ARHGAP18: variants seen among roughly 807,000 people sequenced by gnomAD.
The protein encoded by ARHGAP18 is Rho GTPase activating protein 18, also known as rho GTPase-activating protein 18.
Under a neutral mutation model 86.2 loss-of-function variants are expected in ARHGAP18, and 67 were observed. The observed-to-expected ratio is 0.78, with a 90% CI of 0.64 to 0.95. The LOEUF (loss-of-function observed/expected upper bound fraction) is 0.95, where lower values mean the gene tolerates loss of function less well. Ranked by LOEUF, ARHGAP18 falls within the 40% of genes least tolerant of loss-of-function variation. ARHGAP18 has a pLI of 0.00. For missense variants in ARHGAP18, 691 were observed against 780.4 expected (o/e 0.89, Z 1.37); for synonymous variants, 283 against 280.4 (o/e 1.01, Z -0.09).
intron 6 of ARHGAP18, among the ~76,000 whole-genome samples, chr6:129,618,160 G>A (rs143908386): frequency 5.9e-5 from 9 of 151,804 alleles, no homozygotes; most frequent in Admixed American, 3.9e-4. Flanking sequence ...ACAATCTAGT[G>A]GTATTGTTTT....
chr6:129,674,262 G>T (rs1216194887), intron 1 of ARHGAP18, among the ~76,000 whole-genome samples: 1 of 152,194 alleles, frequency 6.6e-6, no homozygotes, highest in Non-Finnish European at 1.5e-5. Context: ...TAGGCTGCCT[G>T]CCTGGTTCCA....
chr6:129,655,063 G>C (rs1357861072), intron 1 of ARHGAP18, among the ~76,000 whole-genome samples: 4 of 152,148 alleles, frequency 2.6e-5, no homozygotes, highest in Non-Finnish European at 5.9e-5. Context: ...GCTCACGCCT[G>C]TAAGCCCAGC....
chr6:129,690,485 T>G (rs929975380), intron 1 of ARHGAP18, among the ~76,000 whole-genome samples: 1 of 152,158 alleles, frequency 6.6e-6, no homozygotes, highest in Admixed American at 6.5e-5. Flanking sequence ...ATTCAGAGAC[T>G]AAAGAGAGTT....
In ARHGAP18 at chr6:129,578,450, A is replaced by C; in HGVS notation, c.*63T>G. The C allele has an allele frequency of 2.3e-6, 3 of 1,325,340 alleles. No individual in the cohort carries two copies. Among genetic ancestry groups the C allele is most frequent in the Non-Finnish European group, 3.2e-6 (3 of 933,798 alleles). 82.1% of individuals were successfully genotyped at this position (1,325,340 alleles called of 1,614,324 possible). ...GAGTCCTGCCATTTCTTTTATTTAC[A>C]CTCTTGACTCAGCAAGAATTATGAC... On this transcript the variant is annotated 3_prime_UTR_variant, in exon 15 of 15. Transcript: ENST00000368149.
chr6:129,676,632 T>G (rs1226291221), intron 1 of ARHGAP18, among the ~76,000 whole-genome samples: 1 of 152,164 alleles, frequency 6.6e-6, no homozygotes, highest in Non-Finnish European at 1.5e-5. Flanking sequence ...TAATACTCTT[T>G]AAAGCGCCTG....
intron 1 of ARHGAP18, among the ~76,000 whole-genome samples, chr6:129,649,222 T>C (rs997723708): frequency 5.3e-5 from 8 of 152,182 alleles, no homozygotes; most frequent in African/African-American, 1.9e-4. Context: ...GGGAAAAAAA[T>C]GAAATTTACT....
chr6:129,629,530 C>A lies in ARHGAP18; in HGVS notation c.617-8G>T, dbSNP rs765266143. 1 of 1,599,562 alleles carries A rather than the reference C, an allele frequency of 6.3e-7. No homozygotes were observed. Among genetic ancestry groups the A allele is most frequent in the Non-Finnish European group, 8.5e-7 (1 of 1,175,784 alleles). On this transcript the variant is annotated splice_region_variant and splice_polypyrimidine_tract_variant and intron_variant, in intron 4 of 14. Transcript: ENST00000368149. ...CAAGGTTAGATGCCTCGTCTAGGGG[C>A]CCGGGGGGAAAGAACCCAATTCATA...
At chr6:129,634,342 C>G (rs4509146) in intron 3 of ARHGAP18, among the ~76,000 whole-genome samples, 1 of 151,802 alleles carries the variant, frequency 6.6e-6, no homozygotes, top group Non-Finnish European at 1.5e-5. Context: ...AAAAAAGTCA[C>G]GAGTGGGTCC....
intron 7 of ARHGAP18, among the ~76,000 whole-genome samples, chr6:129,613,232 C>CAAAA (rs71028167): frequency 1.1e-5 from 1 of 94,190 alleles, no homozygotes; most frequent in Non-Finnish European, 2.0e-5. Context: ...GACTCTGTCT[C>CAAAA]AAAAAAAAAA....
chr6:129,706,609 G>A (rs989095582), intron 1 of ARHGAP18, among the ~76,000 whole-genome samples: 1 of 152,148 alleles, frequency 6.6e-6, no homozygotes, highest in African/African-American at 2.4e-5. Context: ...ACATGGAGCC[G>A]GGTGCAGTGG....
At chr6:129,648,470 C>T (rs1050702891) in intron 1 of ARHGAP18, among the ~76,000 whole-genome samples, 1 of 150,420 alleles carries the variant, frequency 6.6e-6, no homozygotes, top group African/African-American at 2.4e-5. Flanking sequence ...GTCCAGTGCA[C>T]TTTCTAAAAT....
intron 1 of ARHGAP18, among the ~76,000 whole-genome samples, chr6:129,692,912 A>G (rs973102723): frequency 6.6e-6 from 1 of 152,202 alleles, no homozygotes; most frequent in Non-Finnish European, 1.5e-5. Flanking sequence ...GATTATTACA[A>G]GTATATTCTC....
At chr6:129,667,492 T>C (rs1183656635) in intron 1 of ARHGAP18, among the ~76,000 whole-genome samples, 12 of 141,708 alleles carry the variant, frequency 8.5e-5, no homozygotes, top group African/African-American at 3.1e-4. Flanking sequence ...TGTGTGTGTG[T>C]GTGTGTGTGT....
chr6:129,578,158 A>C lies in ARHGAP18; in HGVS notation c.*355T>G, dbSNP rs1045565825. 6.5e-6 allele frequency: 1 copy of C among 152,700 alleles called. No individual in the cohort carries two copies. Among genetic ancestry groups the C allele is most frequent in the African/African-American group, 2.4e-5 (1 of 41,432 alleles). The allele number at this position is 152,700 out of a possible 1,614,324, so 9.5% of individuals were successfully genotyped here. Reference sequence around the variant, plus strand: ...ATAGAGGTGAGAGAGCATATATTACAGTATATATGATTTTAGGAGAAAAGA... The same window carrying C: ...ATAGAGGTGAGAGAGCATATATTACCGTATATATGATTTTAGGAGAAAAGA... On this transcript the variant is annotated 3_prime_UTR_variant, in exon 15 of 15. Coordinates refer to ENST00000368149, the MANE Select transcript of ARHGAP18 (RefSeq NM_033515.3).
At chr6:129,697,673 T>A (rs1774642852) in intron 1 of ARHGAP18, among the ~76,000 whole-genome samples, 2 of 152,196 alleles carry the variant, frequency 1.3e-5, no homozygotes, top group South Asian at 4.1e-4. Context: ...GATGACACTG[T>A]GTGATTACAC....
chr6:129,613,009 G>A (rs906310231), intron 7 of ARHGAP18, among the ~76,000 whole-genome samples: 19 of 151,918 alleles, frequency 1.3e-4, no homozygotes, highest in Admixed American at 2.0e-4. Context: ...CGAGGCGGGC[G>A]GATCACAAGG....
At chr6:129,595,704 C>T (rs182429334) in intron 12 of ARHGAP18, among the ~76,000 whole-genome samples, 2 of 152,286 alleles carry the variant, frequency 1.3e-5, no homozygotes, top group Admixed American at 1.3e-4. Context: ...TTTCCCTCTG[C>T]CCCTGTCTCT....
At chr6:129,628,644 G>A (rs1048353641) in intron 5 of ARHGAP18, among the ~76,000 whole-genome samples, 2 of 152,130 alleles carry the variant, frequency 1.3e-5, no homozygotes, top group Non-Finnish European at 1.5e-5. Context: ...CATCCTCCAT[G>A]CAGTAAATGT....
At chr6:129,624,125 G>C (rs1789289410) in intron 5 of ARHGAP18, among the ~76,000 whole-genome samples, 1 of 152,184 alleles carries the variant, frequency 6.6e-6, no homozygotes, top group African/African-American at 2.4e-5. Flanking sequence ...TCATTCCACT[G>C]TTTGAGTCAA....
Sources: allele counts gnomAD v4.1 joint callset (sites outside exome capture counted in the v4.1 genomes callset), GRCh38; gene constraint gnomAD v4.1.1; transcripts MANE v1.5; gene names NCBI Gene and HGNC (gene_info 2026-07-23, HGNC 2026-07-21).